The following MYO3B variants were observed in gnomAD, a reference collection of about 807,000 sequenced individuals.
The protein encoded by MYO3B is myosin-IIIb.
In MYO3B, 156 loss-of-function variants were observed where a neutral mutation model predicts 174.6. The ratio of observed to expected loss-of-function variants is 0.89; its 90% CI spans 0.78 to 1.02. The LOEUF (loss-of-function observed/expected upper bound fraction) is 1.02. MYO3B is among the 50% of genes least tolerant of loss of function. The pLI is 0.00. For missense variants in MYO3B, 1,632 were observed against 1,639.4 expected, an observed-to-expected ratio of 1.00 and a Z score of 0.08; for synonymous variants, 563 against 569.1, an observed-to-expected ratio of 0.99 and a Z score of 0.15.
intron 23 of MYO3B, among the ~76,000 whole-genome samples, chr2:170,457,494 T>A (rs185313203): frequency 3.3e-5 from 5 of 152,308 alleles, no homozygotes; most frequent in Admixed American, 1.3e-4. Flanking sequence ...CTTTTATTTT[T>A]AAAATTTTTT....
At chr2:170,292,369 A>G (rs2093601956) in intron 7 of MYO3B, among the ~76,000 whole-genome samples, 1 of 152,136 alleles carries the variant, frequency 6.6e-6, no homozygotes, top group South Asian at 2.1e-4. Flanking sequence ...TAAAACTGCA[A>G]TTTTGAATTC....
chr2:170,490,567 G>T (rs2106043703), intron 25 of MYO3B, among the ~76,000 whole-genome samples: 1 of 151,866 alleles, frequency 6.6e-6, no homozygotes, highest in South Asian at 2.1e-4. Flanking sequence ...TAGGACGTCT[G>T]GTACAATGTT....
intron 32 of MYO3B, among the ~76,000 whole-genome samples, chr2:170,639,557 T>A (rs1314190033): frequency 1.1e-4 from 16 of 152,212 alleles, no homozygotes; most frequent in Admixed American, 1.0e-3. Context: ...ATGCAGATAT[T>A]CTGAACACTA....
intron 8 of MYO3B, 85 bp downstream of exon 8, chr2:170,335,535 A>T (rs2093941549): frequency 1.9e-6 from 2 of 1,058,132 alleles, no homozygotes; most frequent in Non-Finnish European, 2.9e-6. Context: ...AATTTACTTG[A>T]CACTAGAGGT....
At chr2:170,236,242 C>T (rs1442836165) in intron 7 of MYO3B, 106 bp downstream of exon 7, 5 of 1,441,984 alleles carry the variant, frequency 3.5e-6, no homozygotes, top group Non-Finnish European at 4.8e-6. Flanking sequence ...CCTGACAAAG[C>T]CTGATTGTGA....
intron 8 of MYO3B, among the ~76,000 whole-genome samples, chr2:170,346,867 C>G (rs976157756): frequency 2.6e-5 from 4 of 152,186 alleles, no homozygotes; most frequent in African/African-American, 9.7e-5. Context: ...AAGGAGGATT[C>G]TGACACTGCA....
At chr2:170,636,844 G>A (rs1697525790) in intron 32 of MYO3B, among the ~76,000 whole-genome samples, 1 of 151,468 alleles carries the variant, frequency 6.6e-6, no homozygotes. Context: ...AAGAGCTGAG[G>A]ACCACTGATA....
intron 7 of MYO3B, among the ~76,000 whole-genome samples, chr2:170,286,095 T>C (rs778806490): frequency 3.9e-5 from 6 of 152,232 alleles, no homozygotes; most frequent in Non-Finnish European, 8.8e-5. Context: ...ATTTGAATTA[T>C]TGTGCTTTGA....
chr2:170,521,983 C>T (rs1688696422), intron 30 of MYO3B, among the ~76,000 whole-genome samples: 1 of 152,182 alleles, frequency 6.6e-6, no homozygotes, highest in African/African-American at 2.4e-5. Context: ...CTTGAAGAGC[C>T]CTCTTCCAAG....
chr2:170,209,709 G>C (rs1448706560), intron 3 of MYO3B, among the ~76,000 whole-genome samples: 1 of 152,116 alleles, frequency 6.6e-6, no homozygotes, highest in East Asian at 1.9e-4. Context: ...AAGAAGTTTG[G>C]TTATCTCTCT....
At chr2:170,467,106 A>G (rs1684687739) in intron 25 of MYO3B, among the ~76,000 whole-genome samples, 1 of 152,184 alleles carries the variant, frequency 6.6e-6, no homozygotes, top group South Asian at 2.1e-4. Context: ...CTTACATAAC[A>G]CCTGAAGTAT....
At chr2:170,398,826 C>T (rs2094456393) in intron 16 of MYO3B, among the ~76,000 whole-genome samples, 1 of 152,176 alleles carries the variant, frequency 6.6e-6, no homozygotes, top group African/African-American at 2.4e-5. Flanking sequence ...GCAGTCAGGA[C>T]ATGAAAAGTC....
In MYO3B at chr2:170,178,187, G is replaced by C. The variant is rs2092355038; in HGVS notation, c.-101G>C. The stretch of plus-strand genomic sequence containing the variant: ...TGGTAATGATGTGTCATACATTCTA[G>C]TCATCAAAGACACCATTTTCTGGGC... On this transcript the variant is annotated 5_prime_UTR_variant, in exon 1 of 35. The change abolishes the stop of an existing upstream ORF in the 5' untranslated region. Coordinates refer to ENST00000408978, the MANE Select transcript of MYO3B (RefSeq NM_138995.5). 1.4e-6 allele frequency: 2 copies of C among 1,413,610 alleles called. No individual in the cohort carries two copies. The highest frequency in any genetic ancestry group is 2.0e-6 in the Non-Finnish European group (2 of 997,294). The allele number at this position is 1,413,610 out of a possible 1,614,324, so 87.6% of individuals were successfully genotyped here.
intron 32 of MYO3B, among the ~76,000 whole-genome samples, chr2:170,611,470 GA>G (rs1209388953): frequency 7.2e-5 from 11 of 152,136 alleles, no homozygotes; most frequent in African/African-American, 1.2e-4. Context: ...AAATGGGTAT[GA>G]AAAAAAATTT....
intron 3 of MYO3B, among the ~76,000 whole-genome samples, chr2:170,202,056 C>A (rs1415089695): frequency 6.6e-6 from 1 of 152,168 alleles, no homozygotes; most frequent in Non-Finnish European, 1.5e-5. Context: ...GAATGAACAT[C>A]CTTCCTGATG....
intron 18 of MYO3B, among the ~76,000 whole-genome samples, 180 bp downstream of exon 18, chr2:170,401,871 C>T (rs781260331): frequency 1.3e-5 from 2 of 149,534 alleles, no homozygotes; most frequent in Non-Finnish European, 3.0e-5. Flanking sequence ...GGCACGATCT[C>T]CGCTCACTGC....
chr2:170,558,762 A>C lies in MYO3B; in HGVS notation c.3733+14774A>C, dbSNP rs541605175. Among the ~76,000 whole-genome samples the C allele has an allele frequency of 1.6e-4, 25 of 152,336 alleles. No homozygotes were observed. In the South Asian group the frequency reaches 2.9e-3, roughly 18 times the overall value. ...TGGATGATGGTCCCATACCCTTGGC[A>C]GGGTGGCAAAGCTGGCTTTGGAGTC... On this transcript the variant is annotated intron_variant, in intron 32 of 34. Coordinates refer to ENST00000408978, the MANE Select transcript of MYO3B (RefSeq NM_138995.5).
At chr2:170,231,191 G>A (rs997690288) in intron 6 of MYO3B, among the ~76,000 whole-genome samples, 2 of 152,224 alleles carry the variant, frequency 1.3e-5, no homozygotes, top group African/African-American at 2.4e-5. Flanking sequence ...CCTCTGTGGG[G>A]TAGGAGGGAG....
At chr2:170,364,022 C>T (rs2094180550) in intron 8 of MYO3B, among the ~76,000 whole-genome samples, 1 of 152,132 alleles carries the variant, frequency 6.6e-6, no homozygotes, top group Non-Finnish European at 1.5e-5. Context: ...GAACTGAGCT[C>T]AGGAAAATAT....
Sources: gnomAD v4.1 joint callset for allele counts (sites outside exome capture counted in the v4.1 genomes callset) on GRCh38, gnomAD v4.1.1 for gene constraint, MANE v1.5 for transcripts, NCBI Gene and HGNC (gene_info 2026-07-23, HGNC 2026-07-21) for gene names.